BMAL1: variants seen among roughly 807,000 people sequenced by gnomAD.
BMAL1 encodes the protein basic helix-loop-helix ARNT-like protein 1.
chr11:13,382,521 C>T, the BMAL1 span, among the ~76,000 whole-genome samples: 1 of 151,686 alleles, frequency 6.6e-6, no homozygotes, highest in Non-Finnish European at 1.5e-5. Context: ...CCCCTGCCCA[C>T]AACACACACA....
At chr11:13,291,627 A>C in the BMAL1 span, among the ~76,000 whole-genome samples, 1 of 151,992 alleles carries the variant, frequency 6.6e-6, no homozygotes, top group Non-Finnish European at 1.5e-5. Context: ...GACTTAATTC[A>C]CTCTCTATTC....
chr11:13,363,301 A>G, the BMAL1 span, among the ~76,000 whole-genome samples: 1 of 152,158 alleles, frequency 6.6e-6, no homozygotes, highest in East Asian at 1.9e-4. Flanking sequence ...TCAGATACCC[A>G]TACTTACCAG....
the BMAL1 span, among the ~76,000 whole-genome samples, chr11:13,298,713 C>T: frequency 6.6e-6 from 1 of 152,280 alleles, no homozygotes; most frequent in Non-Finnish European, 1.5e-5. Flanking sequence ...ACTGGAAGCA[C>T]CTAATACATG....
the BMAL1 span, among the ~76,000 whole-genome samples, chr11:13,335,398 G>T: frequency 6.6e-6 from 1 of 152,206 alleles, no homozygotes; most frequent in Admixed American, 6.5e-5. Flanking sequence ...TTTGTCTGTA[G>T]AAATGCTACT....
At chr11:13,364,649 C>G in the BMAL1 span, among the ~76,000 whole-genome samples, 1 of 152,178 alleles carries the variant, frequency 6.6e-6, no homozygotes. Flanking sequence ...GTCTGGAAGG[C>G]AGTGGGTGGG....
the BMAL1 span, among the ~76,000 whole-genome samples, chr11:13,292,899 A>G: frequency 5.9e-5 from 9 of 152,238 alleles, no homozygotes; most frequent in African/African-American, 2.2e-4. Context: ...CTCTTTTTCC[A>G]GTAGCCGGAA....
the BMAL1 span, among the ~76,000 whole-genome samples, chr11:13,287,731 GC>G: frequency 6.6e-6 from 1 of 152,160 alleles, no homozygotes; most frequent in East Asian, 1.9e-4. Context: ...GGTTGTCCCT[GC>G]CCTGCTGATG....
the BMAL1 span, among the ~76,000 whole-genome samples, chr11:13,365,067 A>T: frequency 6.6e-6 from 1 of 152,184 alleles, no homozygotes. Flanking sequence ...AGTTGAAGGC[A>T]GATGATGGCT....
chr11:13,372,154 G>T, the BMAL1 span: 10 of 1,613,050 alleles, frequency 6.2e-6, no homozygotes, highest in South Asian at 7.7e-5. Context: ...CACGAACTTT[G>T]CTTTCTAGCA....
chr11:13,376,543 AG>A, the BMAL1 span: 1 of 1,117,784 alleles, frequency 8.9e-7, no homozygotes, highest in Non-Finnish European at 1.4e-6. Flanking sequence ...TGGCCTGTCC[AG>A]GTCCAGAGTG....
chr11:13,369,814 C>G, the BMAL1 span: 4 of 1,586,190 alleles, frequency 2.5e-6, no homozygotes, highest in Non-Finnish European at 3.4e-6. Context: ...GTGAAGCATG[C>G]TTTCTGCAGC....
At chr11:13,354,665 C>T in the BMAL1 span, 1 of 548,380 alleles carries the variant, frequency 1.8e-6, no homozygotes. Flanking sequence ...ACTTCCACTT[C>T]CTGTCCCCAA....
the BMAL1 span, among the ~76,000 whole-genome samples, chr11:13,359,871 C>G: frequency 2.0e-5 from 3 of 152,188 alleles, no homozygotes; most frequent in African/African-American, 7.2e-5. Flanking sequence ...AAGAGTAACT[C>G]ACATTAAATG....
the BMAL1 span, among the ~76,000 whole-genome samples, chr11:13,283,872 C>A: frequency 3.0e-3 from 451 of 152,004 alleles, 2 homozygotes; most frequent in African/African-American, 0.01. Context: ...TGACCCAGGC[C>A]CCCTGTGGCT....
chr11:13,385,419 A>AT, the BMAL1 span, among the ~76,000 whole-genome samples: 1 of 152,226 alleles, frequency 6.6e-6, no homozygotes, highest in African/African-American at 2.4e-5. Flanking sequence ...TGTGGGCATC[A>AT]TGATTCCAGG....
At chr11:13,290,591 A>G in the BMAL1 span, among the ~76,000 whole-genome samples, 1 of 151,360 alleles carries the variant, frequency 6.6e-6, no homozygotes, top group Admixed American at 6.6e-5. Context: ...TATTATTATT[A>G]TTAATAGCAG....
the BMAL1 span, among the ~76,000 whole-genome samples, chr11:13,301,286 G>A: frequency 6.6e-6 from 1 of 152,122 alleles, no homozygotes; most frequent in Non-Finnish European, 1.5e-5. Context: ...GTAGACTTGG[G>A]CTGTAAGCTT....
chr11:13,358,688 T>G, the BMAL1 span: 1 of 1,285,314 alleles, frequency 7.8e-7, no homozygotes, highest in African/African-American at 1.5e-5. Context: ...TGTTTATTAC[T>G]TGCAATTATG....
At chr11:13,376,551 A>G in the BMAL1 span, 180 of 1,225,514 alleles carry the variant, frequency 1.5e-4, no homozygotes, top group Non-Finnish European at 2.0e-4. Context: ...CCAGGTCCAG[A>G]GTGGACACCG....
Sources: gnomAD v4.1 joint callset for allele counts (sites outside exome capture counted in the v4.1 genomes callset) on GRCh38, gnomAD v4.1.1 for gene constraint, MANE v1.5 for transcripts, NCBI Gene and HGNC (gene_info 2026-07-23, HGNC 2026-07-21) for gene names.